The following CAMTA1 variants were observed in gnomAD, a reference collection of about 807,000 sequenced individuals.
CAMTA1 encodes the protein calmodulin binding transcription activator 1.
A neutral mutation model predicts 170.9 loss-of-function variants in CAMTA1; 27 were observed. That is an observed-to-expected ratio of 0.16 (90% confidence interval 0.12 to 0.22). CAMTA1 has a LOEUF of 0.22. Ranked by LOEUF, CAMTA1 falls within the 10% of genes least tolerant of loss-of-function variation. The probability of loss-of-function intolerance (pLI) is 1.00; values close to 1 mark genes in which losing one functional copy is unlikely to be tolerated. For synonymous variants in CAMTA1, 833 were observed against 891.5 expected (o/e 0.93, Z 1.17); for missense variants, 1,619 against 2,217.2 (o/e 0.73, Z 5.42).
chr1:6,941,504 G>A (rs906664533), intron 3 of CAMTA1, among the ~76,000 whole-genome samples: 2 of 152,182 alleles, frequency 1.3e-5, no homozygotes, highest in Non-Finnish European at 2.9e-5. Flanking sequence ...CCGAGGCACA[G>A]ATTTAGGTGT....
At chr1:6,926,173 A>T (rs1402226657) in intron 3 of CAMTA1, among the ~76,000 whole-genome samples, 2 of 152,162 alleles carry the variant, frequency 1.3e-5, no homozygotes, top group African/African-American at 4.8e-5. Context: ...GTCACTAATG[A>T]TCACTCTCAT....
At chr1:7,655,080 ACACC>A (rs571022739) in intron 7 of CAMTA1, among the ~76,000 whole-genome samples, 19,578 of 114,508 alleles carry the variant, frequency 0.17, 3,555 homozygotes, top group Non-Finnish European at 0.22. Context: ...CTATACACAC[ACACC>A]CACCTATACA....
At position 7,248,114 on chromosome 1, in the gene CAMTA1, A is replaced by C. The variant is rs2149295577; in HGVS notation, c.303-1377A>C. ...GAATGACATAGTGGGGCTGGGTGGA[A>C]ACTACAATTAGCTGCAGTCACCCTG... On this transcript the variant is annotated intron_variant, in intron 4 of 22. Coordinates refer to ENST00000303635, the MANE Select transcript of CAMTA1 (RefSeq NM_015215.4). This position sits in a 1 kb window ranked among gnomAD's most constrained non-coding sequence, Gnocchi z 4.0. Among the ~76,000 whole-genome samples the C allele has an allele frequency of 6.6e-6, 1 of 152,284 alleles. No homozygotes were observed. The highest frequency in any genetic ancestry group is 1.9e-4 in the East Asian group (1 of 5,174).
chr1:7,735,672 G>T (rs2149978490), intron 12 of CAMTA1, among the ~76,000 whole-genome samples: 1 of 152,266 alleles, frequency 6.6e-6, no homozygotes, highest in Admixed American at 6.5e-5. Context: ...ATAGACTCGT[G>T]TCTGTAGAGC....
At chr1:7,556,984 T>C (rs905418717) in intron 6 of CAMTA1, among the ~76,000 whole-genome samples, 1 of 152,092 alleles carries the variant, frequency 6.6e-6, no homozygotes, top group African/African-American at 2.4e-5. Flanking sequence ...ATTCTTTAGA[T>C]GAGGAGATGG....
intron 5 of CAMTA1, among the ~76,000 whole-genome samples, chr1:7,264,648 T>C (rs1668644807): frequency 6.6e-6 from 1 of 152,166 alleles, no homozygotes; most frequent in Admixed American, 6.5e-5. Context: ...AATAATGCAG[T>C]TTATGTTACT....
intron 3 of CAMTA1, among the ~76,000 whole-genome samples, chr1:6,875,043 T>G (rs1338575173): frequency 6.6e-6 from 1 of 152,206 alleles, no homozygotes. Flanking sequence ...ACCTACAAGG[T>G]GGGTGGTATG....
At chr1:7,219,569 AAAAGG>A (rs1251065519) in intron 4 of CAMTA1, 1 of 149,006 alleles carries the variant, frequency 6.7e-6, no homozygotes, top group African/African-American at 2.5e-5. Flanking sequence ...AAAAAAAAAA[AAAAGG>A]AGACACACCA....
At chr1:7,477,858 G>T (rs532648364) in intron 6 of CAMTA1, among the ~76,000 whole-genome samples, 2 of 152,290 alleles carry the variant, frequency 1.3e-5, no homozygotes, top group South Asian at 4.2e-4. Flanking sequence ...GTGTGGACGA[G>T]TGGGTACTGA....
chr1:7,530,252 T>C (rs1427502736), intron 6 of CAMTA1, among the ~76,000 whole-genome samples: 1 of 152,234 alleles, frequency 6.6e-6, no homozygotes, highest in African/African-American at 2.4e-5. Context: ...TCCTCCCTCC[T>C]TGATACAAAC....
Position 7,768,292 on chromosome 1 carries a change from G to C in CAMTA1, c.*1801G>C, listed in dbSNP as rs562804934. On this transcript the variant is annotated 3_prime_UTR_variant, in exon 23 of 23. Coordinates refer to ENST00000303635, the MANE Select transcript of CAMTA1 (RefSeq NM_015215.4). ...GTATATTACTATTTCCACATAATGA[G>C]GAGCCAAAGAAATCTGATGTTTTTA... 4.6e-5 allele frequency: 7 copies of C among 152,762 alleles called. No homozygotes were observed. The highest frequency in any genetic ancestry group is 1.0e-4 in the Non-Finnish European group (7 of 68,016). 9.5% of individuals were successfully genotyped at this position (152,762 alleles called of 1,614,324 possible).
chr1:7,372,280 T>G (rs902602815), intron 5 of CAMTA1, among the ~76,000 whole-genome samples: 1 of 152,190 alleles, frequency 6.6e-6, no homozygotes, highest in Non-Finnish European at 1.5e-5. Flanking sequence ...GCAGGTCCTT[T>G]AGGGGACAGC....
chr1:7,707,164 G>A (rs527668174), intron 11 of CAMTA1, among the ~76,000 whole-genome samples: 3 of 152,254 alleles, frequency 2.0e-5, no homozygotes, highest in Admixed American at 1.3e-4. Flanking sequence ...GATTACAGGC[G>A]TGAGCCACCG....
At chr1:7,434,510 G>A (rs944370533) in intron 5 of CAMTA1, among the ~76,000 whole-genome samples, 19 of 152,084 alleles carry the variant, frequency 1.2e-4, no homozygotes, top group African/African-American at 4.3e-4. Context: ...TGAGTCCCCC[G>A]CTACCTTCTA....
chr1:7,579,564 T>C (rs1051981467), intron 6 of CAMTA1, among the ~76,000 whole-genome samples: 9 of 136,684 alleles, frequency 6.6e-5, no homozygotes, highest in African/African-American at 2.6e-4. Context: ...TTTTTTTTTT[T>C]TTTTTTTTTT....
At chr1:6,943,404 G>C (rs933422835) in intron 3 of CAMTA1, among the ~76,000 whole-genome samples, 11 of 152,220 alleles carry the variant, frequency 7.2e-5, no homozygotes, top group Admixed American at 3.9e-4. Context: ...CAGAGAGCGG[G>C]GAAGTGCAAC....
At chr1:7,671,058 G>T (rs1558098480) in intron 10 of CAMTA1, 21 bp downstream of exon 10, 3 of 1,611,516 alleles carry the variant, frequency 1.9e-6, no homozygotes, top group Non-Finnish European at 2.5e-6. Context: ...CGCCCCCCAG[G>T]CCCCCAAGGT....
intron 4 of CAMTA1, among the ~76,000 whole-genome samples, chr1:7,243,442 A>G (rs1048606791): frequency 2.0e-5 from 3 of 152,226 alleles, no homozygotes; most frequent in Non-Finnish European, 2.9e-5. Flanking sequence ...AGTTTTCTAC[A>G]TATGGCTAGC....
At chr1:7,616,388 G>A (rs2095558894) in intron 6 of CAMTA1, among the ~76,000 whole-genome samples, 1 of 152,258 alleles carries the variant, frequency 6.6e-6, no homozygotes, top group Non-Finnish European at 1.5e-5. Flanking sequence ...TAGTCGTGGA[G>A]GTTAAGAAAC....
Sources: gnomAD v4.1 joint callset for allele counts (sites outside exome capture counted in the v4.1 genomes callset) on GRCh38, gnomAD v4.1.1 for gene constraint, Gnocchi (gnomAD v3.1) non-coding constraint, MANE v1.5 for transcripts, NCBI Gene and HGNC (gene_info 2026-07-23, HGNC 2026-07-21) for gene names.